The following RHBDD1 variants were observed in gnomAD, a reference collection of about 807,000 sequenced individuals.
RHBDD1 encodes the protein rhomboid-related protein 4.
RHBDD1 carries 38 observed loss-of-function variants against 36.3 expected under a neutral mutation model. That is an observed-to-expected ratio of 1.05 (90% confidence interval 0.81 to 1.37). The LOEUF (loss-of-function observed/expected upper bound fraction) is 1.37. RHBDD1 is among the 40% of genes most tolerant of loss of function. RHBDD1 has a pLI of 0.00. For missense variants in RHBDD1, 393 were observed against 377.6 expected, an observed-to-expected ratio of 1.04 and a Z score of -0.34; for synonymous variants, 151 against 136.5, an observed-to-expected ratio of 1.11 and a Z score of -0.74.
At chr2:226,829,837 CCTTTT>C in the RHBDD1 span, among the ~76,000 whole-genome samples, 1 of 152,060 alleles carries the variant, frequency 6.6e-6, no homozygotes, top group Admixed American at 6.6e-5. Flanking sequence ...CAATTTGATG[CCTTTT>C]ATTTCGTTTC....
At chr2:226,840,428 C>T (rs1317283258) in intron 3 of RHBDD1, among the ~76,000 whole-genome samples, 1 of 152,158 alleles carries the variant, frequency 6.6e-6, no homozygotes, top group African/African-American at 2.4e-5. Flanking sequence ...TAGAATCTAG[C>T]TCTAAGGGCA....
At chr2:226,824,831 T>C in the RHBDD1 span, among the ~76,000 whole-genome samples, 68 of 152,286 alleles carry the variant, frequency 4.5e-4, no homozygotes, top group African/African-American at 1.6e-3. Context: ...AAAGGCCTTT[T>C]TGAAGCAAAT....
chr2:226,950,806 G>T (rs1239658666), intron 8 of RHBDD1, among the ~76,000 whole-genome samples: 2 of 152,078 alleles, frequency 1.3e-5, no homozygotes, highest in Non-Finnish European at 1.5e-5. Context: ...CAGGTCCTTT[G>T]TCCATTTTAA....
chr2:226,919,334 C>T (rs1241993229), intron 8 of RHBDD1, among the ~76,000 whole-genome samples: 1 of 151,922 alleles, frequency 6.6e-6, no homozygotes, highest in Non-Finnish European at 1.5e-5. Flanking sequence ...ATGGTGTGAT[C>T]CCATTTGCTG....
chr2:226,886,563 C>T (rs1342281919), intron 5 of RHBDD1, among the ~76,000 whole-genome samples: 1 of 152,196 alleles, frequency 6.6e-6, no homozygotes, highest in Non-Finnish European at 1.5e-5. Flanking sequence ...TGCCTCGTCT[C>T]ACACAAAGAT....
chr2:226,813,358 C>T, the RHBDD1 span, among the ~76,000 whole-genome samples: 1 of 152,188 alleles, frequency 6.6e-6, no homozygotes, highest in Non-Finnish European at 1.5e-5. Flanking sequence ...GCCATTGAAT[C>T]AGGACAATGC....
At chr2:226,873,471 T>C (rs1431067526) in intron 5 of RHBDD1, among the ~76,000 whole-genome samples, 1 of 152,120 alleles carries the variant, frequency 6.6e-6, no homozygotes, top group Non-Finnish European at 1.5e-5. Context: ...CATGTGAACA[T>C]GTTGCTGGGA....
At chr2:226,951,345 T>C (rs1010073878) in intron 8 of RHBDD1, among the ~76,000 whole-genome samples, 1 of 152,214 alleles carries the variant, frequency 6.6e-6, no homozygotes, top group Admixed American at 6.5e-5. Flanking sequence ...CTATTATTAA[T>C]ATTAGTATTC....
chr2:226,853,867 A>G (rs994497145), intron 3 of RHBDD1, among the ~76,000 whole-genome samples: 1 of 152,248 alleles, frequency 6.6e-6, no homozygotes, highest in African/African-American at 2.4e-5. Flanking sequence ...CCATGGATGT[A>G]CATCTCACGT....
chr2:226,822,416 C>A, the RHBDD1 span, among the ~76,000 whole-genome samples: 1 of 152,038 alleles, frequency 6.6e-6, no homozygotes, highest in Non-Finnish European at 1.5e-5. Context: ...GGGTGGATCA[C>A]CTAAGGTCAG....
At chr2:226,865,850 A>G (rs1376366225) in intron 4 of RHBDD1, among the ~76,000 whole-genome samples, 1 of 152,182 alleles carries the variant, frequency 6.6e-6, no homozygotes, top group Non-Finnish European at 1.5e-5. Flanking sequence ...TATTCTTGAG[A>G]ACTACAAGCG....
rs1162695121 is a variant in RHBDD1, at chr2:226,996,986, T to A, written c.*1464T>A. The A allele has an allele frequency of 6.6e-6, 1 of 152,212 alleles. No individual in the cohort carries two copies. The highest frequency in any genetic ancestry group is 2.4e-5 in the African/African-American group (1 of 41,448). 9.4% of individuals were successfully genotyped at this position (152,212 alleles called of 1,614,324 possible). On this transcript the variant is annotated 3_prime_UTR_variant, in exon 9 of 9. Transcript: ENST00000392062. ...GGGTTAACATTTTGGTGGTATTGTC[T>A]TATCAATTTTTCCGTTGATACATTC...
chr2:226,912,771 A>G (rs1241088249), intron 7 of RHBDD1, among the ~76,000 whole-genome samples: 1 of 152,086 alleles, frequency 6.6e-6, no homozygotes, highest in Non-Finnish European at 1.5e-5. Flanking sequence ...AAAATGTCCA[A>G]AATTGATTGT....
the RHBDD1 span, among the ~76,000 whole-genome samples, chr2:226,814,651 T>G: frequency 6.6e-6 from 1 of 152,074 alleles, no homozygotes; most frequent in African/African-American, 2.4e-5. Context: ...GCAGAAAACA[T>G]TCAGAGGAGG....
In RHBDD1 at chr2:226,973,927, C is replaced by T. The variant is rs545374564; in HGVS notation, c.857-21504C>T. On this transcript the variant is annotated intron_variant, in intron 8 of 8. Transcript: ENST00000392062. Reference sequence around the variant, plus strand: ...CACCCCTGAGAATCTCCTTTTCGTTCGCATGGGCTCTTTGATAGCAGAGTG... The same window carrying T: ...CACCCCTGAGAATCTCCTTTTCGTTTGCATGGGCTCTTTGATAGCAGAGTG... 2.3e-4 allele frequency among the ~76,000 whole-genome samples: 35 copies of T among 152,268 alleles called. No individual in the cohort carries two copies. In the South Asian group the frequency reaches 4.6e-3, roughly 20 times the overall value.
At chr2:226,896,590 A>T (rs1226236861) in intron 5 of RHBDD1, among the ~76,000 whole-genome samples, 1 of 152,000 alleles carries the variant, frequency 6.6e-6, no homozygotes, top group Non-Finnish European at 1.5e-5. Context: ...GGCCATTCTT[A>T]CTTCTCTAGG....
At chr2:226,805,358 A>G in the RHBDD1 span, among the ~76,000 whole-genome samples, 1 of 152,320 alleles carries the variant, frequency 6.6e-6, no homozygotes, top group South Asian at 2.1e-4. Context: ...GATTACAGGC[A>G]TGCCCTACCA....
chr2:226,815,779 T>C, the RHBDD1 span, among the ~76,000 whole-genome samples: 1 of 152,336 alleles, frequency 6.6e-6, no homozygotes, highest in African/African-American at 2.4e-5. Flanking sequence ...AGTTTTAAAA[T>C]TCCAGTTCCT....
At chr2:226,961,231 G>A (rs965559070) in intron 8 of RHBDD1, among the ~76,000 whole-genome samples, 1 of 152,144 alleles carries the variant, frequency 6.6e-6, no homozygotes, top group African/African-American at 2.4e-5. Flanking sequence ...GGGATTATGG[G>A]TATTTTGTGG....
Sources: allele counts gnomAD v4.1 joint callset (sites outside exome capture counted in the v4.1 genomes callset), GRCh38; gene constraint gnomAD v4.1.1; transcripts MANE v1.5; gene names NCBI Gene and HGNC (gene_info 2026-07-23, HGNC 2026-07-21).